The following SNX18 variants were observed in gnomAD, a reference collection of about 807,000 sequenced individuals.
SNX18 encodes sorting nexin-18.
In SNX18, 35 loss-of-function variants were observed where a neutral mutation model predicts 48.7. That is an observed-to-expected ratio of 0.72 (90% confidence interval 0.55 to 0.95). SNX18 has a LOEUF of 0.95. Ranked by LOEUF, SNX18 falls within the 40% of genes least tolerant of loss-of-function variation. The pLI is 0.00. For synonymous variants in SNX18, 492 were observed against 384.7 expected (o/e 1.28, Z -3.26); for missense variants, 824 against 871.0 (o/e 0.95, Z 0.68).
intron 1 of SNX18, among the ~76,000 whole-genome samples, chr5:54,530,637 TA>T: frequency 6.6e-6 from 1 of 152,078 alleles, no homozygotes; most frequent in Non-Finnish European, 1.5e-5. Context: ...TTATATTCAT[TA>T]TATCTATTTA....
the SNX18 span, among the ~76,000 whole-genome samples, chr5:54,556,860 T>C: frequency 2.6e-5 from 4 of 152,318 alleles, no homozygotes; most frequent in South Asian, 4.1e-4. Flanking sequence ...TGACCCATCT[T>C]GAATATTTTA....
At chr5:54,591,427 A>G in the SNX18 span, among the ~76,000 whole-genome samples, 1 of 152,118 alleles carries the variant, frequency 6.6e-6, no homozygotes, top group Non-Finnish European at 1.5e-5. Context: ...CTTGGCCCAA[A>G]CAATCCTCCT....
At chr5:54,620,540 T>G in the SNX18 span, among the ~76,000 whole-genome samples, 1 of 152,236 alleles carries the variant, frequency 6.6e-6, no homozygotes, top group Admixed American at 6.5e-5. Context: ...TAGCCCATCC[T>G]GCCTTCAGGC....
the SNX18 span, among the ~76,000 whole-genome samples, chr5:54,629,156 C>T: frequency 6.6e-6 from 1 of 152,214 alleles, no homozygotes; most frequent in East Asian, 1.9e-4. Context: ...CTTGAAAGGT[C>T]TTTCCTTGAG....
At chr5:54,539,680 C>T (rs889668752) in intron 1 of SNX18, among the ~76,000 whole-genome samples, 7 of 152,132 alleles carry the variant, frequency 4.6e-5, no homozygotes, top group Non-Finnish European at 1.0e-4. Flanking sequence ...TATCAGTGTG[C>T]TCTATACATG....
chr5:54,640,398 TTTTA>T, the SNX18 span, among the ~76,000 whole-genome samples: 22 of 73,730 alleles, frequency 3.0e-4, no homozygotes, highest in Non-Finnish European at 5.2e-4. Context: ...ACTTTCTTTT[TTTTA>T]AAAAAAAGAT....
At chr5:54,564,830 C>T in the SNX18 span, among the ~76,000 whole-genome samples, 1 of 152,202 alleles carries the variant, frequency 6.6e-6, no homozygotes, top group Admixed American at 6.5e-5. Flanking sequence ...TGCTCTCCAG[C>T]CTAGGCAACA....
the SNX18 span, among the ~76,000 whole-genome samples, chr5:54,622,960 TTTAA>T: frequency 4.6e-5 from 7 of 152,256 alleles, no homozygotes. Flanking sequence ...TATCAAATTC[TTTAA>T]TTAGTTTTCT....
At chr5:54,585,042 A>G in the SNX18 span, among the ~76,000 whole-genome samples, 1 of 152,228 alleles carries the variant, frequency 6.6e-6, no homozygotes, top group Non-Finnish European at 1.5e-5. Flanking sequence ...CTGTAATCCC[A>G]GCACTTTGGG....
the SNX18 span, among the ~76,000 whole-genome samples, chr5:54,555,603 G>A: frequency 0.22 from 34,044 of 151,842 alleles, 3,904 homozygotes; most frequent in Non-Finnish European, 0.24. Context: ...GGGAAGCCAA[G>A]GTGGGCATAT....
At chr5:54,552,430 T>G in the SNX18 span, among the ~76,000 whole-genome samples, 1 of 152,336 alleles carries the variant, frequency 6.6e-6, no homozygotes, top group South Asian at 2.1e-4. Flanking sequence ...ATAAATCATC[T>G]TGCTGGCTCT....
chr5:54,586,004 C>CA, the SNX18 span, among the ~76,000 whole-genome samples: 2,372 of 76,578 alleles, frequency 0.031, 65 homozygotes, highest in African/African-American at 0.088. Context: ...GACTCCGTCT[C>CA]AAAAAAAAAA....
At chr5:54,629,684 A>G in the SNX18 span, among the ~76,000 whole-genome samples, 1 of 152,184 alleles carries the variant, frequency 6.6e-6, no homozygotes, top group Non-Finnish European at 1.5e-5. Context: ...TTGATTAAGT[A>G]CTTACTGTGT....
chr5:54,544,428 C>T lies in SNX18; in HGVS notation c.*996C>T, dbSNP rs1280156382. On this transcript the variant is annotated 3_prime_UTR_variant, in exon 2 of 2. Coordinates refer to ENST00000381410, the MANE Select transcript of SNX18 (RefSeq NM_001102575.2). ...TTTTTTGAAAAAAAATGGATCTACA[C>T]TGTTAACTGATTGAGACTCCACTGT... The T allele has an allele frequency of 6.7e-6, 1 of 150,186 alleles. No individual in the cohort carries two copies. The highest frequency in any genetic ancestry group is 2.0e-4 in the East Asian group (1 of 5,104). 9.3% of individuals were successfully genotyped at this position (150,186 alleles called of 1,614,324 possible). A position where few individuals can be genotyped will look rare whatever the true frequency, so the allele number is the denominator to read the frequency against.
chr5:54,533,673 G>A (rs765912160), intron 1 of SNX18, among the ~76,000 whole-genome samples: 5 of 152,272 alleles, frequency 3.3e-5, no homozygotes, highest in African/African-American at 1.2e-4. Flanking sequence ...TTTATTTCAC[G>A]GTTAAAGAGA....
At chr5:54,600,432 G>T in the SNX18 span, among the ~76,000 whole-genome samples, 17 of 152,142 alleles carry the variant, frequency 1.1e-4, no homozygotes. Context: ...ATTCCTCAAA[G>T]AGCTAGAACC....
Position 54,540,284 on chromosome 5 carries a change from C to T in SNX18, c.1622-2895C>T, listed in dbSNP as rs917741471. Among the ~76,000 whole-genome samples, 8 of 151,786 alleles carry T rather than the reference C, an allele frequency of 5.3e-5. No individual in the cohort carries two copies. In the South Asian group the frequency reaches 6.2e-4, roughly 12 times the overall value. Reference sequence around the variant, plus strand: ...GGCTGGAGGTGCAGTGCTGTGATCACGGCTCATTGCAGCCTCAACCTCCTG... The same window carrying T: ...GGCTGGAGGTGCAGTGCTGTGATCATGGCTCATTGCAGCCTCAACCTCCTG... On this transcript the variant is annotated intron_variant, in intron 1 of 1. Coordinates refer to ENST00000381410, the MANE Select transcript of SNX18 (RefSeq NM_001102575.2).
the SNX18 span, among the ~76,000 whole-genome samples, chr5:54,625,908 C>G: frequency 4.6e-5 from 7 of 152,268 alleles, no homozygotes; most frequent in South Asian, 8.3e-4. Flanking sequence ...CCAACTCTGT[C>G]ACCATCTGGA....
chr5:54,635,396 A>G, the SNX18 span, among the ~76,000 whole-genome samples: 3 of 152,182 alleles, frequency 2.0e-5, no homozygotes, highest in African/African-American at 7.2e-5. Context: ...AAAGCCACCA[A>G]GTTTCTAAAA....
Sources: gnomAD v4.1 joint callset for allele counts (sites outside exome capture counted in the v4.1 genomes callset) on GRCh38, gnomAD v4.1.1 for gene constraint, MANE v1.5 for transcripts, NCBI Gene and HGNC (gene_info 2026-07-23, HGNC 2026-07-21) for gene names.